HMGA2: variants seen among roughly 807,000 people sequenced by gnomAD.
The protein encoded by HMGA2 is high mobility group protein HMGI-C.
HMGA2 carries 8 observed loss-of-function variants against 19.1 expected under a neutral mutation model. The ratio of observed to expected loss-of-function variants is 0.42; its 90% confidence interval spans 0.25 to 0.76. HMGA2 has a LOEUF of 0.76. HMGA2 is among the 30% of genes least tolerant of loss of function. The pLI is 0.28. For missense variants in HMGA2, 109 were observed against 136.3 expected (o/e 0.80, Z 1.00); for synonymous variants, 60 against 48.8 (o/e 1.23, Z -0.96).
intron 3 of HMGA2, among the ~76,000 whole-genome samples, chr12:65,892,855 G>C (rs939315639): frequency 1.3e-5 from 2 of 152,150 alleles, no homozygotes; most frequent in Admixed American, 1.3e-4. Flanking sequence ...GGCTGGAAGG[G>C]GGCTGACTTC....
chr12:65,860,172 C>T (rs568541637), intron 3 of HMGA2: 6 of 323,238 alleles, frequency 1.9e-5, no homozygotes, highest in Admixed American at 1.6e-4. Flanking sequence ...TTCGCCTAGC[C>T]TACCTTAAAT....
Position 65,963,663 on chromosome 12 carries a change from A to G in HMGA2, c.*371A>G, listed in dbSNP as rs1876821247. The G allele has an allele frequency of 2.6e-6, 1 of 391,610 alleles. No homozygotes were observed. Among genetic ancestry groups the G allele is most frequent in the African/African-American group, 2.0e-5 (1 of 49,058 alleles). The allele number at this position is 391,610 out of a possible 1,614,324, so 24.3% of individuals were successfully genotyped here. A position where few individuals can be genotyped will look rare whatever the true frequency, so the allele number is the denominator to read the frequency against. ...AAAACCGAATTGGGTTTAGTCAATC[A>G]CTGCACTGCATGCAAACAAGAAACG... On this transcript the variant is annotated 3_prime_UTR_variant, in exon 5 of 5. Coordinates refer to ENST00000403681, the MANE Select transcript of HMGA2 (RefSeq NM_003483.6).
At chr12:65,830,264 G>A (rs941141749) in intron 2 of HMGA2, among the ~76,000 whole-genome samples, 4 of 151,854 alleles carry the variant, frequency 2.6e-5, no homozygotes, top group Non-Finnish European at 4.4e-5. Context: ...ATCAGAATTT[G>A]TTGAGTATGT....
At chr12:65,951,691 A>G (rs928359245) in intron 4 of HMGA2, 2 of 309,634 alleles carry the variant, frequency 6.5e-6, no homozygotes, top group Non-Finnish European at 1.2e-5. Flanking sequence ...CATATGTAAA[A>G]CAAATATTTA....
Position 65,915,265 on chromosome 12 carries a change from AC to A in HMGA2, c.250-36117del, listed in dbSNP as rs1166789239. On this transcript the variant is annotated intron_variant, in intron 3 of 4. Transcript: ENST00000403681. ...CAGGTGTCTTTTAGATCATTTCAAAACACTGGCTTATTCTTTCTTATGTTTC... is the reference window on the plus strand; with the variant it reads ...CAGGTGTCTTTTAGATCATTTCAAAAACTGGCTTATTCTTTCTTATGTTTC... 4 of 1,512,492 alleles carry A rather than the reference AC, an allele frequency of 2.6e-6. No individual in the cohort carries two copies. In the African/African-American group the frequency reaches 5.5e-5, roughly 21 times the overall value. 93.7% of individuals were successfully genotyped at this position (1,512,492 alleles called of 1,614,324 possible).
At position 65,951,428 on chromosome 12, in the gene HMGA2, C is replaced by G. The variant is rs1045381150; in HGVS notation, c.282+13C>G. ...GAAGCCTGCTCAGGTAAGACATAGTCATTAATTTTTTTCTCCCAATTAATA... is the reference window on the plus strand; with the variant it reads ...GAAGCCTGCTCAGGTAAGACATAGTGATTAATTTTTTTCTCCCAATTAATA... On this transcript the variant is annotated intron_variant, in intron 4 of 4. Transcript: ENST00000403681. 18 of 1,508,048 alleles carry G rather than the reference C, an allele frequency of 1.2e-5. No homozygotes were observed. Among genetic ancestry groups the G allele is most frequent in the Non-Finnish European group, 1.4e-5 (16 of 1,109,868 alleles). 93.4% of individuals were successfully genotyped at this position (1,508,048 alleles called of 1,614,324 possible).
intron 2 of HMGA2, among the ~76,000 whole-genome samples, chr12:65,833,499 G>A (rs777891473): frequency 7.9e-5 from 12 of 151,620 alleles, no homozygotes; most frequent in East Asian, 1.9e-4. Flanking sequence ...AAAATGATGA[G>A]AGAACTTGTA....
intron 3 of HMGA2, chr12:65,915,044 A>G (rs763231818): frequency 3.7e-6 from 6 of 1,613,410 alleles, no homozygotes; most frequent in Non-Finnish European, 5.1e-6. Context: ...CCCCATCCTG[A>G]TGTCATATCC....
At chr12:65,895,235 AAAATGG>A (rs1170828532) in intron 3 of HMGA2, among the ~76,000 whole-genome samples, 1 of 152,226 alleles carries the variant, frequency 6.6e-6, no homozygotes, top group African/African-American at 2.4e-5. Context: ...AGCAAACATT[AAAATGG>A]AACATAAAGC....
intron 3 of HMGA2, among the ~76,000 whole-genome samples, chr12:65,841,538 G>T (rs1870996272): frequency 6.6e-6 from 1 of 152,190 alleles, no homozygotes; most frequent in Non-Finnish European, 1.5e-5. Flanking sequence ...TTGCTGGAAA[G>T]CTTGTGCTGA....
chr12:65,829,058 A>G (rs973269421), intron 2 of HMGA2: 5 of 152,112 alleles, frequency 3.3e-5, no homozygotes, highest in African/African-American at 9.7e-5. Context: ...ATACCTTTTC[A>G]CCGGTTTTGG....
chr12:65,941,981 A>G (rs970130156), intron 3 of HMGA2, among the ~76,000 whole-genome samples: 1 of 152,226 alleles, frequency 6.6e-6, no homozygotes, highest in Non-Finnish European at 1.5e-5. Context: ...ATTTCATATA[A>G]TCTCTATCTG....
chr12:65,960,748 C>A (rs1205008573), intron 4 of HMGA2, among the ~76,000 whole-genome samples: 1 of 152,202 alleles, frequency 6.6e-6, no homozygotes, highest in Non-Finnish European at 1.5e-5. Flanking sequence ...CTGATAGTTA[C>A]TAGTAGAATT....
chr12:65,905,133 G>A (rs1320426598), intron 3 of HMGA2, among the ~76,000 whole-genome samples: 1 of 151,942 alleles, frequency 6.6e-6, no homozygotes. Context: ...TTTCTTAGAG[G>A]TGTGGCTTTC....
chr12:65,828,238 C>A, intron 2 of HMGA2, 151 bp downstream of exon 2: 1 of 673,654 alleles, frequency 1.5e-6, no homozygotes. Context: ...TAGTTAGATG[C>A]GAGTTAACCT....
chr12:65,946,439 G>C (rs1383115338), intron 3 of HMGA2, among the ~76,000 whole-genome samples: 1 of 152,060 alleles, frequency 6.6e-6, no homozygotes. Context: ...TTCTTTCTAA[G>C]GTCAACTTGA....
intron 4 of HMGA2, chr12:65,957,716 G>C (rs185791172): frequency 1.3e-5 from 2 of 152,176 alleles, no homozygotes; most frequent in African/African-American, 4.8e-5. Context: ...TAAAAAAATG[G>C]CCCTTTATCC....
chr12:65,929,114 T>A (rs1353701772), intron 3 of HMGA2, among the ~76,000 whole-genome samples: 1 of 152,216 alleles, frequency 6.6e-6, no homozygotes, highest in East Asian at 1.9e-4. Context: ...GTTTGGATAC[T>A]GTGCAGACAA....
At chr12:65,861,874 C>T (rs1271040385) in intron 3 of HMGA2, among the ~76,000 whole-genome samples, 15 of 136,514 alleles carry the variant, frequency 1.1e-4, no homozygotes, top group African/African-American at 1.9e-4. Context: ...AATGAAGTTT[C>T]GCTCTTGTTG....
Sources: allele counts gnomAD v4.1 joint callset (sites outside exome capture counted in the v4.1 genomes callset), GRCh38; gene constraint gnomAD v4.1.1; transcripts MANE v1.5; gene names NCBI Gene and HGNC (gene_info 2026-07-23, HGNC 2026-07-21).